PTPRO: variants seen among roughly 807,000 people sequenced by gnomAD.
The protein encoded by PTPRO is protein tyrosine phosphatase receptor type O.
A neutral mutation model predicts 145.2 loss-of-function variants in PTPRO; 62 were observed. The observed-to-expected ratio is 0.43, with a 90% CI of 0.35 to 0.53. The LOEUF (loss-of-function observed/expected upper bound fraction) is 0.53. Among genes scored for constraint, PTPRO ranks in the 20% least tolerant of loss-of-function variants. The probability of loss-of-function intolerance (pLI) is 0.01; values close to 1 mark genes in which losing one functional copy is unlikely to be tolerated. For missense variants in PTPRO, 1,345 were observed against 1,482.7 expected (o/e 0.91, Z 1.53); for synonymous variants, 565 against 514.7 (o/e 1.10, Z -1.32).
intron 19 of PTPRO, among the ~76,000 whole-genome samples, chr12:15,575,614 C>T (rs1040856459): frequency 1.3e-5 from 2 of 152,228 alleles, no homozygotes; most frequent in African/African-American, 4.8e-5. Context: ...GCTTCAAACA[C>T]AGCCAACAAA....
At chr12:15,535,404 C>A (rs1281879396) in intron 12 of PTPRO, among the ~76,000 whole-genome samples, 5 of 152,066 alleles carry the variant, frequency 3.3e-5, no homozygotes, top group Non-Finnish European at 7.4e-5. Flanking sequence ...TGGAAAGGAA[C>A]AGCTAAGGAG....
At position 15,379,064 on chromosome 12, in the gene PTPRO, C is replaced by T. The variant is rs1054269559; in HGVS notation, c.75+56263C>T. Among the ~76,000 whole-genome samples, 6 of 152,088 alleles carry T rather than the reference C, an allele frequency of 3.9e-5. No individual in the cohort carries two copies. In the East Asian group the frequency reaches 5.8e-4, roughly 15 times the overall value. ...GTAATAAAGTAGAGAATTTAGAACC[C>T]TCATACATTGCTGGTGAGAAGGTAA... On this transcript the variant is annotated intron_variant, in intron 1 of 26. Coordinates refer to ENST00000281171, the MANE Select transcript of PTPRO (RefSeq NM_030667.3).
At chr12:15,429,187 T>C (rs779411490) in intron 1 of PTPRO, among the ~76,000 whole-genome samples, 2 of 152,310 alleles carry the variant, frequency 1.3e-5, no homozygotes, top group Admixed American at 6.5e-5. Flanking sequence ...GTGCTTACCA[T>C]GCACGAAGCA....
chr12:15,443,177 G>C (rs555447904), intron 1 of PTPRO, among the ~76,000 whole-genome samples: 68 of 152,084 alleles, frequency 4.5e-4, no homozygotes, highest in Non-Finnish European at 8.1e-4. Context: ...TATGCCATCT[G>C]ATGTGTAGAA....
chr12:15,522,962 G>A (rs1013598876), intron 10 of PTPRO, among the ~76,000 whole-genome samples: 1 of 152,140 alleles, frequency 6.6e-6, no homozygotes, highest in African/African-American at 2.4e-5. Context: ...TGTATATGAC[G>A]AAATATGTTG....
chr12:15,509,512 C>T (rs1942392534), intron 7 of PTPRO, among the ~76,000 whole-genome samples: 1 of 151,614 alleles, frequency 6.6e-6, no homozygotes, highest in South Asian at 2.1e-4. Flanking sequence ...GCCTGGCCAA[C>T]ATGGTGAAAA....
intron 1 of PTPRO, among the ~76,000 whole-genome samples, chr12:15,456,313 A>G (rs1354876640): frequency 6.6e-6 from 1 of 152,156 alleles, no homozygotes; most frequent in Non-Finnish European, 1.5e-5. Flanking sequence ...CATCCCAGGG[A>G]TAAATCTCAC....
chr12:15,574,884 T>G (rs1238215742), intron 19 of PTPRO, among the ~76,000 whole-genome samples: 1 of 152,206 alleles, frequency 6.6e-6, no homozygotes, highest in African/African-American at 2.4e-5. Context: ...GCTGACATTG[T>G]TACAAACCCT....
intron 1 of PTPRO, chr12:15,440,242 C>T (rs768266241): frequency 6.3e-6 from 4 of 635,970 alleles, no homozygotes; most frequent in Non-Finnish European, 1.1e-5. Flanking sequence ...CCAAGGCCAC[C>T]TTTGATGCCA....
chr12:15,432,587 C>A (rs374217969), intron 1 of PTPRO, among the ~76,000 whole-genome samples: 7 of 152,204 alleles, frequency 4.6e-5, no homozygotes, highest in African/African-American at 1.7e-4. Flanking sequence ...ACAGTGTCTT[C>A]CACAATGATT....
At chr12:15,481,278 G>T (rs1345420786) in intron 1 of PTPRO, among the ~76,000 whole-genome samples, 4 of 152,106 alleles carry the variant, frequency 2.6e-5, no homozygotes, top group Admixed American at 6.5e-5. Flanking sequence ...TTAGAAACCT[G>T]CCCATGTGTC....
At chr12:15,574,338 A>T (rs570207094) in intron 19 of PTPRO, among the ~76,000 whole-genome samples, 2 of 152,192 alleles carry the variant, frequency 1.3e-5, no homozygotes, top group African/African-American at 4.8e-5. Flanking sequence ...TACATTTCAC[A>T]TGGGAAAGAT....
intron 23 of PTPRO, 152 bp from the exon 24 acceptor site, chr12:15,586,745 G>T: frequency 4.5e-5 from 33 of 733,380 alleles, no homozygotes; most frequent in Non-Finnish European, 4.3e-5. Flanking sequence ...CCTATTTTAT[G>T]CCAGATATGG....
intron 23 of PTPRO, among the ~76,000 whole-genome samples, chr12:15,585,705 T>C (rs987778264): frequency 1.3e-5 from 2 of 152,212 alleles, no homozygotes; most frequent in African/African-American, 4.8e-5. Flanking sequence ...TGATATAGTA[T>C]TCCAGCCTCT....
chr12:15,489,240 T>C (rs1022365330), intron 2 of PTPRO, among the ~76,000 whole-genome samples: 1 of 151,980 alleles, frequency 6.6e-6, no homozygotes, highest in African/African-American at 2.4e-5. Flanking sequence ...GGGGTCACAA[T>C]CCAGACCCCC....
intron 1 of PTPRO, among the ~76,000 whole-genome samples, chr12:15,461,029 G>A (rs189537944): frequency 2.0e-5 from 3 of 152,116 alleles, no homozygotes; most frequent in Non-Finnish European, 4.4e-5. Flanking sequence ...ACAGGAAGCT[G>A]GAGGTCAGAC....
chr12:15,412,209 C>T (rs1405070191), intron 1 of PTPRO, among the ~76,000 whole-genome samples: 3 of 152,212 alleles, frequency 2.0e-5, no homozygotes, highest in Non-Finnish European at 4.4e-5. Flanking sequence ...GCCCTAAGGG[C>T]TACTCCTCCT....
chr12:15,411,523 TG>T (rs1939800519), intron 1 of PTPRO, among the ~76,000 whole-genome samples: 1 of 152,190 alleles, frequency 6.6e-6, no homozygotes, highest in Non-Finnish European at 1.5e-5. Context: ...AGCAAAGTAG[TG>T]GGTCTGTAAG....
At chr12:15,552,544 T>A (rs554118326) in intron 15 of PTPRO, among the ~76,000 whole-genome samples, 1 of 152,292 alleles carries the variant, frequency 6.6e-6, no homozygotes, top group African/African-American at 2.4e-5. Flanking sequence ...ATCAAAGCTG[T>A]CCACTAGGAG....
Sources: allele counts gnomAD v4.1 joint callset (sites outside exome capture counted in the v4.1 genomes callset), GRCh38; gene constraint gnomAD v4.1.1; transcripts MANE v1.5; gene names NCBI Gene and HGNC (gene_info 2026-07-23, HGNC 2026-07-21).